The following TAB2 variants were observed in gnomAD, a reference collection of about 807,000 sequenced individuals.
TAB2 encodes TGF-beta-activated kinase 1 and MAP3K7-binding protein 2.
In TAB2, 3 loss-of-function variants were observed where a neutral mutation model predicts 65.0. The ratio of observed to expected loss-of-function variants is 0.05; its 90% CI spans 0.02 to 0.12. The LOEUF is 0.12. Among genes scored for constraint, TAB2 ranks in the 10% least tolerant of loss-of-function variants. TAB2 has a pLI of 1.00. For synonymous variants in TAB2, 298 were observed against 285.1 expected (o/e 1.05, Z -0.46); for missense variants, 623 against 840.3 (o/e 0.74, Z 3.20).
chr6:149,303,664 AC>A (rs1779009230), intron 1 of TAB2, among the ~76,000 whole-genome samples: 2 of 152,184 alleles, frequency 1.3e-5, no homozygotes. Flanking sequence ...AAAAAAGTAA[AC>A]TTTTACATGT....
intron 1 of TAB2, among the ~76,000 whole-genome samples, chr6:149,271,715 G>A (rs543080977): frequency 3.9e-5 from 6 of 152,124 alleles, no homozygotes; most frequent in Non-Finnish European, 7.4e-5. Context: ...AAGAGTCTAC[G>A]TAGGGGATCA....
At chr6:149,291,080 T>C (rs1175610443) in intron 1 of TAB2, among the ~76,000 whole-genome samples, 1 of 152,222 alleles carries the variant, frequency 6.6e-6, no homozygotes, top group African/African-American at 2.4e-5. Flanking sequence ...TTTCTTCTAT[T>C]TGGGGTTTTG....
intron 6 of TAB2, among the ~76,000 whole-genome samples, chr6:149,404,355 C>G (rs1782590054): frequency 6.6e-6 from 1 of 152,112 alleles, no homozygotes; most frequent in African/African-American, 2.4e-5. Context: ...ATTAAAACAT[C>G]CTTACTACCC....
chr6:149,384,240 T>C (rs1781713914), intron 3 of TAB2, among the ~76,000 whole-genome samples: 1 of 152,236 alleles, frequency 6.6e-6, no homozygotes, highest in Non-Finnish European at 1.5e-5. Context: ...ATAAATTTGG[T>C]AACCAAAATG....
intron 1 of TAB2, among the ~76,000 whole-genome samples, chr6:149,328,194 G>C (rs1779674641): frequency 6.6e-6 from 1 of 152,216 alleles, no homozygotes; most frequent in Non-Finnish European, 1.5e-5. Flanking sequence ...AAACTCCATA[G>C]AGCGTATTTC....
At chr6:149,367,167 TA>T (rs1349570408) in intron 1 of TAB2, among the ~76,000 whole-genome samples, 1 of 152,066 alleles carries the variant, frequency 6.6e-6, no homozygotes, top group Non-Finnish European at 1.5e-5. Context: ...GGAGAGATAA[TA>T]AAATATATCT....
At chr6:149,407,154 T>A (rs1782692717) in intron 6 of TAB2, among the ~76,000 whole-genome samples, 1 of 152,232 alleles carries the variant, frequency 6.6e-6, no homozygotes, top group Admixed American at 6.5e-5. Flanking sequence ...AGTAAGCAAA[T>A]GTTCAGAGAC....
intron 6 of TAB2, among the ~76,000 whole-genome samples, chr6:149,408,627 A>C (rs1782743762): frequency 6.6e-6 from 1 of 152,212 alleles, no homozygotes; most frequent in Non-Finnish European, 1.5e-5. Flanking sequence ...GGAAAAATTC[A>C]ACAATGCATG....
At chr6:149,231,897 T>A (rs1777412484) in intron 1 of TAB2, among the ~76,000 whole-genome samples, 1 of 152,200 alleles carries the variant, frequency 6.6e-6, no homozygotes, top group Non-Finnish European at 1.5e-5. Flanking sequence ...AGCTGGCTTT[T>A]ACAGAGTATC....
intron 1 of TAB2, among the ~76,000 whole-genome samples, chr6:149,266,085 A>T (rs1562393606): frequency 6.6e-6 from 1 of 152,248 alleles, no homozygotes; most frequent in South Asian, 2.1e-4. Context: ...TTTCAGTATA[A>T]GTCACCTTAG....
chr6:149,385,201 T>C (rs1781749112), intron 3 of TAB2, among the ~76,000 whole-genome samples: 1 of 152,190 alleles, frequency 6.6e-6, no homozygotes, highest in South Asian at 2.1e-4. Context: ...TTTAATGAGA[T>C]TTAATAAAAA....
At chr6:149,277,194 A>G (rs6912297) in intron 1 of TAB2, among the ~76,000 whole-genome samples, 76,023 of 152,056 alleles carry the variant, frequency 0.5, 20,533 homozygotes, top group African/African-American at 0.7. Context: ...TATCAGCAGC[A>G]TGAAAACAGA....
intron 3 of TAB2, among the ~76,000 whole-genome samples, chr6:149,385,548 TAC>T (rs1374270202): frequency 7.9e-5 from 12 of 152,188 alleles, no homozygotes; most frequent in African/African-American, 2.7e-4. Context: ...TTGGACCACT[TAC>T]AGAATATTTT....
At position 149,409,566 on chromosome 6, in the gene TAB2, C is replaced by T. The variant is rs2114979212; in HGVS notation, c.1940-11C>T. On this transcript the variant is annotated splice_polypyrimidine_tract_variant and intron_variant, in intron 6 of 6. Transcript: ENST00000637181. ...TTTTTACTTATAAAATAATTTTTTT[C>T]TTTCTTACAGATCAAAGGTCCATCA... 6.2e-7 allele frequency: 1 copy of T among 1,611,518 alleles called. No homozygotes were observed. The highest frequency in any genetic ancestry group is 8.5e-7 in the Non-Finnish European group (1 of 1,178,348).
intron 1 of TAB2, among the ~76,000 whole-genome samples, chr6:149,355,380 C>T (rs1016400233): frequency 6.6e-6 from 1 of 151,880 alleles, no homozygotes; most frequent in Non-Finnish European, 1.5e-5. Flanking sequence ...CTATTTTAAA[C>T]TTAGGGCAGG....
chr6:149,285,643 C>G (rs181163794), intron 1 of TAB2, among the ~76,000 whole-genome samples: 35 of 152,294 alleles, frequency 2.3e-4, no homozygotes, highest in African/African-American at 8.4e-4. Context: ...GTGACTTCTC[C>G]AAACATGTGG....
chr6:149,333,744 T>TGC (rs1208007417), intron 1 of TAB2, among the ~76,000 whole-genome samples: 2 of 151,636 alleles, frequency 1.3e-5, no homozygotes, highest in African/African-American at 2.4e-5. Flanking sequence ...TGTGTGTGTG[T>TGC]GTCTATGTGT....
chr6:149,346,448 C>CTTTTTTTTT, intron 1 of TAB2: 1 of 113,410 alleles, frequency 8.8e-6, no homozygotes, highest in Non-Finnish European at 1.7e-5. Flanking sequence ...GTTGGTGAAA[C>CTTTTTTTTT]TTTTTTTTTT....
At chr6:149,275,139 T>TTTTTTTTTA (rs56122402) in intron 1 of TAB2, among the ~76,000 whole-genome samples, 1 of 113,480 alleles carries the variant, frequency 8.8e-6, no homozygotes, top group East Asian at 2.6e-4. Flanking sequence ...TTTTTTTTTT[T>TTTTTTTTTA]TTTTGAGTTG....
Sources: allele counts gnomAD v4.1 joint callset (sites outside exome capture counted in the v4.1 genomes callset), GRCh38; gene constraint gnomAD v4.1.1; transcripts MANE v1.5; gene names NCBI Gene and HGNC (gene_info 2026-07-23, HGNC 2026-07-21).